The following SLC5A1 variants were observed in gnomAD, a reference collection of about 807,000 sequenced individuals.
SLC5A1 encodes the protein sodium/glucose cotransporter 1.
SLC5A1 carries 42 observed loss-of-function variants against 73.5 expected under a neutral mutation model. That is an observed-to-expected ratio of 0.57 (90% CI 0.45 to 0.74). The LOEUF is 0.74. Among genes scored for constraint, SLC5A1 ranks in the 30% least tolerant of loss-of-function variants. The pLI is 0.00. For synonymous variants in SLC5A1, 300 were observed against 317.4 expected (o/e 0.95, Z 0.58); for missense variants, 634 against 855.4 (o/e 0.74, Z 3.23).
chr22:32,071,496 T>C (rs2093982770), intron 5 of SLC5A1, among the ~76,000 whole-genome samples: 2 of 152,088 alleles, frequency 1.3e-5, no homozygotes, highest in Non-Finnish European at 2.9e-5. Context: ...ACGAACATGG[T>C]TAACTGAGAG....
At chr22:32,086,615 C>G (rs947026812) in intron 10 of SLC5A1, among the ~76,000 whole-genome samples, 2 of 152,116 alleles carry the variant, frequency 1.3e-5, no homozygotes, top group African/African-American at 2.4e-5. Flanking sequence ...TTTCCATACT[C>G]ATACAGAAGG....
At chr22:32,088,931 T>C (rs909557369) in intron 10 of SLC5A1, among the ~76,000 whole-genome samples, 1 of 152,240 alleles carries the variant, frequency 6.6e-6, no homozygotes, top group African/African-American at 2.4e-5. Flanking sequence ...TCCTAATGTA[T>C]GTCTCTCTAT....
rs763580185 is a variant in SLC5A1 at position 32,066,985 on chromosome 22, G to A, written c.258G>A (p.Gly86=). Residue 86 remains glycine (G), a synonymous_variant, in exon 3 of 15, where the codon GGG becomes GGA. Coordinates refer to ENST00000266088, the MANE Select transcript of SLC5A1 (RefSeq NM_000343.4). Reference sequence around the variant, plus strand: ...ACATTGGAAGTGGCCACTTTGTGGGGCTGGCCGGGACTGGGGCAGCTTCAG... The same window carrying A: ...ACATTGGAAGTGGCCACTTTGTGGGACTGGCCGGGACTGGGGCAGCTTCAG... ...ASNIGSGHFV[G]LAGTGAASGI... The A allele has an allele frequency of 5.6e-6, 9 of 1,613,846 alleles. No homozygotes were observed. In the South Asian group the frequency reaches 7.7e-5, roughly 14 times the overall value.
rs1356664693 is a variant in SLC5A1, at chr22:32,099,099, A to ATAT, written c.1281-84_1281-83insTAT. 6.9e-5 allele frequency: 11 copies of ATAT among 160,390 alleles called. No individual in the cohort carries two copies. The East Asian group carries it at 1.8e-3, about 27-fold the overall frequency. The allele number at this position is 160,390 out of a possible 1,614,324, so 9.9% of individuals were successfully genotyped here. ...GACTCTGTCTCAAAAAAAAAAAAAAAAAAAAAATATATATATATATATATA... is the reference window on the plus strand; with the variant it reads ...GACTCTGTCTCAAAAAAAAAAAAAAATATAAAAAAATATATATATATATATATA... On this transcript the variant is annotated intron_variant, in intron 11 of 14. Coordinates refer to ENST00000266088, the MANE Select transcript of SLC5A1 (RefSeq NM_000343.4).
intron 1 of SLC5A1, among the ~76,000 whole-genome samples, chr22:32,049,234 T>C (rs1569298803): frequency 7.1e-6 from 1 of 140,492 alleles, no homozygotes; most frequent in East Asian, 2.1e-4. Context: ...TCTATATATA[T>C]GATGATTCCA....
intron 2 of SLC5A1, among the ~76,000 whole-genome samples, chr22:32,065,751 C>CTT (rs1039747264): frequency 1.3e-5 from 2 of 152,190 alleles, no homozygotes; most frequent in African/African-American, 4.8e-5. Flanking sequence ...CTGGCTAAGC[C>CTT]TTCAGAAATC....
intron 2 of SLC5A1, among the ~76,000 whole-genome samples, chr22:32,062,549 G>T (rs2413064): frequency 0.045 from 6,823 of 152,204 alleles, 208 homozygotes; most frequent in Non-Finnish European, 0.07. Context: ...GGGTGAGGAG[G>T]GTTGGTAAAG....
At chr22:32,062,238 GA>G (rs1208522204) in intron 2 of SLC5A1, among the ~76,000 whole-genome samples, 1 of 152,114 alleles carries the variant, frequency 6.6e-6, no homozygotes, top group Non-Finnish European at 1.5e-5. Flanking sequence ...TTGCAAAGGG[GA>G]CTTAAGCTGT....
chr22:32,066,889 C>G (rs1335459320), intron 2 of SLC5A1, 46 bp from the exon 3 acceptor site: 1 of 1,349,238 alleles, frequency 7.4e-7, no homozygotes, highest in Admixed American at 1.7e-5. Flanking sequence ...TCTGAGTGTC[C>G]TGGGAGAGCA....
intron 2 of SLC5A1, among the ~76,000 whole-genome samples, chr22:32,051,563 G>A (rs1219034642): frequency 2.0e-5 from 3 of 152,128 alleles, no homozygotes; most frequent in African/African-American, 7.2e-5. Flanking sequence ...GGCTGAGGTG[G>A]GAGGATCGCT....
chr22:32,087,568 G>C (rs2094010226), intron 10 of SLC5A1, among the ~76,000 whole-genome samples: 2 of 152,140 alleles, frequency 1.3e-5, no homozygotes, highest in South Asian at 4.1e-4. Flanking sequence ...AAGGCGGCTT[G>C]TCACCATAAA....
chr22:32,075,042 A>G (rs192935282), intron 5 of SLC5A1, among the ~76,000 whole-genome samples: 2 of 143,822 alleles, frequency 1.4e-5, no homozygotes, highest in Non-Finnish European at 3.0e-5. Context: ...GACTACATCC[A>G]TGTGCCACCA....
chr22:32,068,168 C>T lies in SLC5A1; in HGVS notation c.372+142C>T, dbSNP rs368003845. ...TTTCACTCCCAGGTTATGAAATTCC[C>T]GACTGTCTGCAGTGGCATTATATGG... On this transcript the variant is annotated intron_variant, in intron 4 of 14. Transcript: ENST00000266088. The T allele has an allele frequency of 6.7e-4, 580 of 872,074 alleles. 8 individuals carry two copies. Among genetic ancestry groups the T allele is most frequent in the South Asian group, 6.5e-3 (490 of 75,332 alleles). The allele number at this position is 872,074 out of a possible 1,614,324, so 54.0% of individuals were successfully genotyped here.
chr22:32,093,850 T>C (rs1349832979), intron 11 of SLC5A1, among the ~76,000 whole-genome samples: 4 of 152,238 alleles, frequency 2.6e-5, no homozygotes, highest in Non-Finnish European at 4.4e-5. Context: ...TTTTGTCTGA[T>C]TGCTCTGGCT....
chr22:32,067,366 A>ATTTT (rs1369404768), intron 3 of SLC5A1, among the ~76,000 whole-genome samples: 183 of 137,926 alleles, frequency 1.3e-3, no homozygotes, highest in African/African-American at 4.4e-3. Context: ...TTTTTTTAAA[A>ATTTT]AAATTTTTAT....
At chr22:32,068,736 A>G in intron 5 of SLC5A1, 136 bp downstream of exon 5, 1 of 696,768 alleles carries the variant, frequency 1.4e-6, no homozygotes, top group Non-Finnish European at 2.6e-6. Flanking sequence ...GCCTTGGAGT[A>G]GAGTCCTATT....
chr22:32,076,844 A>G (rs181925545), intron 5 of SLC5A1, among the ~76,000 whole-genome samples: 281 of 152,358 alleles, frequency 1.8e-3, no homozygotes, highest in Middle Eastern at 6.8e-3. Flanking sequence ...ATGCTTTCCA[A>G]CGGGGGTCTG....
At chr22:32,063,424 G>A (rs574955173) in intron 2 of SLC5A1, among the ~76,000 whole-genome samples, 2 of 152,338 alleles carry the variant, frequency 1.3e-5, no homozygotes, top group South Asian at 2.1e-4. Flanking sequence ...GCTTGCAGAT[G>A]TTCTAATCAC....
chr22:32,064,367 G>A (rs971252862), intron 2 of SLC5A1, among the ~76,000 whole-genome samples: 10 of 151,954 alleles, frequency 6.6e-5, no homozygotes, highest in African/African-American at 2.2e-4. Flanking sequence ...GTGGTGGTGC[G>A]CGCCTGTAGT....
Sources: gnomAD v4.1 joint callset for allele counts (sites outside exome capture counted in the v4.1 genomes callset) on GRCh38, gnomAD v4.1.1 for gene constraint, MANE v1.5 for transcripts, NCBI Gene and HGNC (gene_info 2026-07-23, HGNC 2026-07-21) for gene names.